The following AMBN variants were observed in gnomAD, a reference collection of about 807,000 sequenced individuals.
The protein encoded by AMBN is ameloblastin.
AMBN carries 54 observed loss-of-function variants against 48.0 expected under a neutral mutation model. That is an observed-to-expected ratio of 1.12 (90% CI 0.90 to 1.41). The LOEUF (loss-of-function observed/expected upper bound fraction) is 1.41, where lower values mean the gene tolerates loss of function less well. AMBN is among the 40% of genes most tolerant of loss of function. The pLI, the probability that AMBN is intolerant of heterozygous loss-of-function variation, is 0.00. For missense variants in AMBN, 571 were observed against 547.3 expected (o/e 1.04, Z -0.43); for synonymous variants, 186 against 190.0 (o/e 0.98, Z 0.17).
rs1399659254 is a variant in AMBN, at chr4:70,601,740, G to T, written c.531+86G>T. 4.9e-6 allele frequency: 6 copies of T among 1,219,258 alleles called. No homozygotes were observed. In the South Asian group the frequency reaches 7.8e-5, roughly 16 times the overall value. The allele number at this position is 1,219,258 out of a possible 1,614,324, so 75.5% of individuals were successfully genotyped here. ...ATTTGCAGGGCACTTTTAAATAATC[G>T]TAGCCTTCAGGCATAATACGTGATA... is the stretch of plus-strand genomic sequence containing the variant. On this transcript the variant is annotated intron_variant, in intron 6 of 12. Transcript: ENST00000322937.
chr4:70,603,461 G>GT lies in AMBN; in HGVS notation c.753+2dup. On this transcript the variant is annotated splice_donor_variant, in intron 11 of 12. Coordinates refer to ENST00000322937, the MANE Select transcript of AMBN (RefSeq NM_016519.6). LOFTEE classifies it high-confidence loss of function. ...CGTGCCTTTTGGAGCAAATCAATTGGTAAGTCCATATTCTATAAAAAGTAT... is the reference window on the plus strand; with the variant it reads ...CGTGCCTTTTGGAGCAAATCAATTGGTTAAGTCCATATTCTATAAAAAGTAT... 1 of 1,611,386 alleles carries GT rather than the reference G, an allele frequency of 6.2e-7. No homozygotes were observed. Among genetic ancestry groups the GT allele is most frequent in the Non-Finnish European group, 8.5e-7 (1 of 1,179,162 alleles).
At chr4:70,600,136 G>A (rs184986363) in intron 5 of AMBN, among the ~76,000 whole-genome samples, 566 of 151,946 alleles carry the variant, frequency 3.7e-3, no homozygotes, top group Non-Finnish European at 6.0e-3. Flanking sequence ...GTGAAACCCC[G>A]TCTCTACTAA....
chr4:70,600,233 TG>T, intron 5 of AMBN, among the ~76,000 whole-genome samples: 1 of 151,882 alleles, frequency 6.6e-6, no homozygotes, highest in South Asian at 2.1e-4. Flanking sequence ...AGCTTGAACC[TG>T]GGAGGCAGAG....
chr4:70,593,205 C>T, intron 1 of AMBN, 122 bp from the exon 2 acceptor site: 1 of 685,184 alleles, frequency 1.5e-6, no homozygotes, highest in East Asian at 2.8e-5. Context: ...TTTTGTTCTT[C>T]TAACCTTTAT....
chr4:70,592,598 A>G (rs890244156), intron 1 of AMBN, among the ~76,000 whole-genome samples: 2 of 151,660 alleles, frequency 1.3e-5, no homozygotes, highest in Admixed American at 1.3e-4. Flanking sequence ...AATGTTTTTG[A>G]TTATAGTGCC....
intron 5 of AMBN, among the ~76,000 whole-genome samples, chr4:70,600,142 A>G (rs1185059359): frequency 2.0e-5 from 3 of 152,110 alleles, no homozygotes; most frequent in Non-Finnish European, 4.4e-5. Context: ...CCCCGTCTCT[A>G]CTAAAAATAC....
rs371199073 is a variant in AMBN at position 70,602,676 on chromosome 4, T to C, written c.570+14T>C. On this transcript the variant is annotated intron_variant, in intron 7 of 12. Transcript: ENST00000322937. ...CAAGGTCCATCAGTAAGTACAGATC[T>C]CAATGAGACACTTTCTGTATTTTAT... is the stretch of plus-strand genomic sequence containing the variant. The C allele has an allele frequency of 9.0e-6, 14 of 1,563,848 alleles. 1 individual carries two copies. The highest frequency in any genetic ancestry group is 1.2e-5 in the Non-Finnish European group (14 of 1,150,836).
chr4:70,606,524 C>T lies in AMBN; in HGVS notation c.1138C>T (p.Pro380Ser). 1 of 1,614,124 alleles carries T rather than the reference C, an allele frequency of 6.2e-7. No individual in the cohort carries two copies. Among genetic ancestry groups the T allele is most frequent in the Non-Finnish European group, 8.5e-7 (1 of 1,180,010 alleles). The change falls in exon 13 of 13, where the codon CCA (proline) becomes TCA (serine). Residue 380 changes from proline to serine, a missense_variant. Physicochemically the swap from Pro to Ser is moderately conservative, Grantham distance 74. Coordinates refer to ENST00000322937, the MANE Select transcript of AMBN (RefSeq NM_016519.6). ...GATGAAGGGACTCCCCAGCGTCACC[C>T]CAGCAGCTGCTGACCCACTGATGAC... ...GKMKGLPSVT[P>S]AAADPLMTPE...
intron 2 of AMBN, among the ~76,000 whole-genome samples, chr4:70,596,237 G>A (rs998305673): frequency 4.0e-5 from 6 of 150,330 alleles, no homozygotes; most frequent in East Asian, 1.9e-4. Context: ...CCGAGATCAC[G>A]GTACTGCACT....
intron 2 of AMBN, among the ~76,000 whole-genome samples, chr4:70,594,165 C>G (rs986274628): frequency 6.6e-6 from 1 of 152,150 alleles, no homozygotes; most frequent in African/African-American, 2.4e-5. Context: ...AATTAACTAG[C>G]AAATTTACCT....
At chr4:70,602,712 T>G (rs761895998) in intron 7 of AMBN, 50 bp downstream of exon 7, 44 of 1,513,886 alleles carry the variant, frequency 2.9e-5, no homozygotes, top group Non-Finnish European at 3.8e-5. Flanking sequence ...TTTTTAATTT[T>G]TATTTGTTCA....
At chr4:70,602,007 A>G (rs1356883977) in intron 6 of AMBN, 1 of 461,980 alleles carries the variant, frequency 2.2e-6, no homozygotes. Flanking sequence ...GAAAAAAGTG[A>G]TTGATCCCTC....
intron 12 of AMBN, among the ~76,000 whole-genome samples, chr4:70,605,360 A>G (rs1455309862): frequency 1.3e-5 from 2 of 152,222 alleles, no homozygotes; most frequent in African/African-American, 4.8e-5. Flanking sequence ...TGTAGAGCTT[A>G]TGAAAAACAC....
intron 6 of AMBN, 108 bp downstream of exon 6, chr4:70,601,762 G>A: frequency 1.0e-6 from 1 of 964,766 alleles, no homozygotes; most frequent in South Asian, 1.4e-5. Flanking sequence ...CATAATACGT[G>A]ATATAAATAT....
chr4:70,599,217 C>T (rs759510590), intron 4 of AMBN, among the ~76,000 whole-genome samples: 5 of 151,958 alleles, frequency 3.3e-5, no homozygotes, highest in Admixed American at 6.6e-5. Context: ...CCAAGGTGGG[C>T]GGATCATGAG....
At position 70,606,725 on chromosome 4, in the gene AMBN, C is replaced by T. The variant is rs753263140; in HGVS notation, c.1339C>T (p.Pro447Ser). 2 of 1,609,892 alleles carry T rather than the reference C, an allele frequency of 1.2e-6. No homozygotes were observed. Among genetic ancestry groups the T allele is most frequent in the South Asian group, 1.1e-5 (1 of 90,308 alleles). ...GCATGACGCATGGCATTTCCAAGAG[C>T]CCTGACAGCTCTAAGATATTAGCTA... ...MMHDAWHFQE[P>S] is the part of the protein sequence containing the mutation. The change falls in exon 13 of 13, where the codon CCC becomes TCC. Residue 447 changes from proline to serine, a missense_variant. Pro to Ser is a moderately conservative substitution (Grantham distance 74). Transcript: ENST00000322937.
At chr4:70,604,688 G>A (rs1737601760) in intron 12 of AMBN, among the ~76,000 whole-genome samples, 1 of 150,604 alleles carries the variant, frequency 6.6e-6, no homozygotes, top group Non-Finnish European at 1.5e-5. Context: ...CTGTAAACAA[G>A]ACAAGGTAAG....
At chr4:70,598,478 A>G (rs1305834244) in intron 4 of AMBN, 75 bp downstream of exon 4, 2 of 1,231,440 alleles carry the variant, frequency 1.6e-6, no homozygotes, top group African/African-American at 1.5e-5. Flanking sequence ...TAATTCATCA[A>G]ATTTATTTAT....
At position 70,606,275 on chromosome 4, in the gene AMBN, G is replaced by A; in HGVS notation, c.889G>A (p.Ala297Thr). 6.2e-7 allele frequency: 1 copy of A among 1,614,122 alleles called. No individual in the cohort carries two copies. The highest frequency in any genetic ancestry group is 8.5e-7 in the Non-Finnish European group (1 of 1,180,002). The change falls in exon 13 of 13, where the codon GCT becomes ACT. Residue 297 changes from alanine (A) to threonine (T), a missense_variant. Coordinates refer to ENST00000322937, the MANE Select transcript of AMBN (RefSeq NM_016519.6). ...CTTTGAGGGAATGCCCCACAACCCA[G>A]CTATGGGCGGTGACTTCACTCTGGA... ...PGFEGMPHNP[A>T]MGGDFTLEFD... is the part of the protein sequence containing the mutation.
Sources: gnomAD v4.1 joint callset for allele counts (sites outside exome capture counted in the v4.1 genomes callset) on GRCh38, gnomAD v4.1.1 for gene constraint, MANE v1.5 for transcripts, NCBI Gene and HGNC (gene_info 2026-07-23, HGNC 2026-07-21) for gene names.